ZFAT: variants seen among roughly 807,000 people sequenced by gnomAD.
ZFAT encodes zinc finger and AT-hook domain containing.
ZFAT carries 64 observed loss-of-function variants against 117.7 expected under a neutral mutation model. That is an observed-to-expected ratio of 0.54 (90% CI 0.44 to 0.67). The LOEUF is 0.67. Ranked by LOEUF, ZFAT falls within the 30% of genes least tolerant of loss-of-function variation. The pLI is 0.00. For missense variants in ZFAT, 1,433 were observed against 1,584.5 expected (o/e 0.90, Z 1.62); for synonymous variants, 679 against 615.0 (o/e 1.10, Z -1.54).
intron 7 of ZFAT, chr8:134,598,154 C>T (rs1827107144): frequency 6.6e-6 from 1 of 150,800 alleles, no homozygotes; most frequent in South Asian, 2.2e-4. Flanking sequence ...AGAATGTGGG[C>T]TTGAATTCTG....
chr8:134,532,689 A>G, intron 12 of ZFAT, 145 bp downstream of exon 12: 1 of 1,136,532 alleles, frequency 8.8e-7, no homozygotes, highest in Non-Finnish European at 1.2e-6. Flanking sequence ...GACGATGATG[A>G]CAACAATTAG....
At chr8:134,809,647 C>T in the ZFAT span, among the ~76,000 whole-genome samples, 16 of 152,138 alleles carry the variant, frequency 1.1e-4, no homozygotes, top group Non-Finnish European at 7.4e-5. Context: ...GAGTGGAGGG[C>T]GATGGTAACA....
At chr8:134,805,667 G>C in the ZFAT span, among the ~76,000 whole-genome samples, 1 of 152,162 alleles carries the variant, frequency 6.6e-6, no homozygotes, top group Admixed American at 6.5e-5. Context: ...ACCAAGATTT[G>C]CTTTAATTTA....
chr8:134,495,340 T>G (rs1424630391), intron 15 of ZFAT, among the ~76,000 whole-genome samples: 1 of 152,140 alleles, frequency 6.6e-6, no homozygotes, highest in Non-Finnish European at 1.5e-5. Flanking sequence ...TCTCCTCTCT[T>G]ATTAAGGCAC....
At position 134,539,945 on chromosome 8, in the gene ZFAT, A is replaced by G. The variant is rs184266640; in HGVS notation, c.2977-6973T>C. On this transcript the variant is annotated intron_variant, in intron 11 of 15. Coordinates refer to ENST00000377838, the MANE Select transcript of ZFAT (RefSeq NM_020863.4). ...ACAACTCCACTGCTTTTGAATCCAT[A>G]TCTGTGAAATGGGAGAGCAAACCTT... is the stretch of plus-strand genomic sequence containing the variant. Among the ~76,000 whole-genome samples, 705 of 152,274 alleles carry G rather than the reference A, an allele frequency of 4.6e-3. 4 individuals carry two copies. The highest frequency in any genetic ancestry group is 7.5e-3 in the Non-Finnish European group (509 of 68,026).
intron 11 of ZFAT, among the ~76,000 whole-genome samples, chr8:134,560,865 G>A (rs1248577782): frequency 6.6e-6 from 1 of 152,264 alleles, no homozygotes; most frequent in South Asian, 2.1e-4. Flanking sequence ...ATAGCTAGAT[G>A]GAAGGAATAA....
intron 2 of ZFAT, among the ~76,000 whole-genome samples, chr8:134,655,699 C>T (rs78920793): frequency 0.022 from 3,297 of 152,240 alleles, 123 homozygotes; most frequent in African/African-American, 0.073. Flanking sequence ...ATCTACAACT[C>T]ATTTAGAAAG....
intron 14 of ZFAT, chr8:134,510,172 T>C (rs752243710): frequency 2.2e-6 from 1 of 456,264 alleles, no homozygotes. Flanking sequence ...TGCCAAGAAA[T>C]TCCACAAGTT....
chr8:134,647,284 T>A (rs1563723047), intron 2 of ZFAT, among the ~76,000 whole-genome samples: 1 of 152,152 alleles, frequency 6.6e-6, no homozygotes, highest in Non-Finnish European at 1.5e-5. Flanking sequence ...CATGATCATC[T>A]CAATAAGTAT....
In ZFAT at chr8:134,681,409, C is replaced by CTCA. The variant is rs1833064559; in HGVS notation, c.20-23675_20-23673dup. Among the ~76,000 whole-genome samples the CTCA allele has an allele frequency of 3.9e-5, 6 of 152,364 alleles. No individual in the cohort carries two copies. The South Asian group carries it at 1.2e-3, about 32-fold the overall frequency. Reference sequence around the variant, plus strand: ...TGTACTCATTACCTGCAGTGACAGCCTCACCAGCCCAATGCCAGCTTCCCC... The same window carrying CTCA: ...TGTACTCATTACCTGCAGTGACAGCCTCATCACCAGCCCAATGCCAGCTTCCCC... On this transcript the variant is annotated intron_variant, in intron 1 of 15. Transcript: ENST00000377838.
chr8:134,558,212 C>A (rs1823792631), intron 11 of ZFAT, among the ~76,000 whole-genome samples: 1 of 152,130 alleles, frequency 6.6e-6, no homozygotes, highest in Non-Finnish European at 1.5e-5. Flanking sequence ...AAGAAAGCCC[C>A]CTAACTCTCT....
chr8:134,518,676 A>G (rs1482775101), intron 13 of ZFAT, among the ~76,000 whole-genome samples: 2 of 151,872 alleles, frequency 1.3e-5, no homozygotes, highest in Non-Finnish European at 2.9e-5. Flanking sequence ...TCTATATAAA[A>G]AAATATTTTT....
intron 5 of ZFAT, among the ~76,000 whole-genome samples, chr8:134,606,950 T>C (rs539452531): frequency 3.3e-5 from 5 of 152,336 alleles, no homozygotes; most frequent in African/African-American, 1.2e-4. Flanking sequence ...TCATTTGTTA[T>C]GAGAGAAGAA....
At chr8:134,759,360 C>T in the ZFAT span, among the ~76,000 whole-genome samples, 1 of 152,144 alleles carries the variant, frequency 6.6e-6, no homozygotes, top group African/African-American at 2.4e-5. Context: ...AGATTTGGGA[C>T]CCCCATGAAT....
At chr8:134,721,630 C>A in the ZFAT span, among the ~76,000 whole-genome samples, 1 of 152,250 alleles carries the variant, frequency 6.6e-6, no homozygotes, top group Non-Finnish European at 1.5e-5. Context: ...ACCCATATTT[C>A]TCTACCTGCT....
chr8:134,506,723 CTATT>C (rs1015172111), intron 15 of ZFAT, among the ~76,000 whole-genome samples: 1 of 152,106 alleles, frequency 6.6e-6, no homozygotes, highest in African/African-American at 2.4e-5. Flanking sequence ...GAGTATATAT[CTATT>C]TGTTTATGAG....
chr8:134,718,398 T>G, the ZFAT span, among the ~76,000 whole-genome samples: 1 of 152,028 alleles, frequency 6.6e-6, no homozygotes, highest in Non-Finnish European at 1.5e-5. Flanking sequence ...CTTGGGAGGC[T>G]GAGGCAGGAG....
chr8:134,697,613 G>A (rs1833902536), intron 1 of ZFAT, among the ~76,000 whole-genome samples: 1 of 151,260 alleles, frequency 6.6e-6, no homozygotes, highest in Non-Finnish European at 1.5e-5. Context: ...TGTAGTCCCA[G>A]CTACTCAGGA....
intron 11 of ZFAT, among the ~76,000 whole-genome samples, chr8:134,561,240 A>G (rs1824028779): frequency 6.6e-6 from 1 of 152,246 alleles, no homozygotes; most frequent in African/African-American, 2.4e-5. Context: ...GTTTATAAAT[A>G]CATTTTCATA....
Sources: gnomAD v4.1 joint callset for allele counts (sites outside exome capture counted in the v4.1 genomes callset) on GRCh38, gnomAD v4.1.1 for gene constraint, MANE v1.5 for transcripts, NCBI Gene and HGNC (gene_info 2026-07-23, HGNC 2026-07-21) for gene names.